Variants in NT5E observed in about 807,000 individuals in gnomAD.
The protein encoded by NT5E is 5'-nucleotidase.
A neutral mutation model predicts 55.1 loss-of-function variants in NT5E; 53 were observed. The ratio of observed to expected loss-of-function variants is 0.96; its 90% CI spans 0.77 to 1.21. The LOEUF is 1.21. Ranked by LOEUF, NT5E falls within the 50% of genes most tolerant of loss-of-function variation. The pLI is 0.00. For missense variants in NT5E, 683 were observed against 724.3 expected, an observed-to-expected ratio of 0.94 and a Z score of 0.65; for synonymous variants, 270 against 278.4, an observed-to-expected ratio of 0.97 and a Z score of 0.30.
chr6:85,477,953 G>A (rs952396315), intron 3 of NT5E, among the ~76,000 whole-genome samples: 1 of 151,778 alleles, frequency 6.6e-6, no homozygotes, highest in Non-Finnish European at 1.5e-5. Context: ...CTTGAGCCCA[G>A]GAGTTTGAGG....
intron 3 of NT5E, among the ~76,000 whole-genome samples, chr6:85,472,104 C>T (rs886182002): frequency 4.6e-5 from 7 of 152,236 alleles, no homozygotes; most frequent in Non-Finnish European, 1.0e-4. Context: ...ACTTTTGAAT[C>T]TGGTTCCACC....
At chr6:85,482,849 C>A (rs1769577249) in intron 3 of NT5E, among the ~76,000 whole-genome samples, 1 of 152,146 alleles carries the variant, frequency 6.6e-6, no homozygotes, top group South Asian at 2.1e-4. Context: ...TCAGTGGTTT[C>A]CTGGGACTGC....
In NT5E at chr6:85,451,751, A is replaced by C. The variant is rs7738103; in HGVS notation, c.339+1273A>C. On this transcript the variant is annotated intron_variant, in intron 1 of 8. Coordinates refer to ENST00000257770, the MANE Select transcript of NT5E (RefSeq NM_002526.4). The stretch of plus-strand genomic sequence containing the variant: ...TACACTTTATATGAGAAGAGCTTAG[A>C]GGTCAGGAGAGCACAATGCTGAGGG... 9.1e-3 allele frequency among the ~76,000 whole-genome samples: 1,393 copies of C among 152,304 alleles called. 15 individuals are homozygous for C. Among genetic ancestry groups the C allele is most frequent in the African/African-American group, 0.031 (1,307 of 41,554 alleles).
intron 7 of NT5E, among the ~76,000 whole-genome samples, chr6:85,491,664 G>A (rs1769787178): frequency 6.6e-6 from 1 of 152,198 alleles, no homozygotes; most frequent in Non-Finnish European, 1.5e-5. Flanking sequence ...TAAGGCCATT[G>A]AATCAATTTA....
intron 5 of NT5E, among the ~76,000 whole-genome samples, chr6:85,489,058 T>G (rs981718176): frequency 6.6e-6 from 1 of 152,194 alleles, no homozygotes; most frequent in Non-Finnish European, 1.5e-5. Context: ...GCTGCAGACA[T>G]AGACGTGGAG....
chr6:85,485,510 C>T lies in NT5E; in HGVS notation c.949+78C>T, dbSNP rs1237019462. 5 of 1,398,204 alleles carry T rather than the reference C, an allele frequency of 3.6e-6. No individual in the cohort carries two copies. In the African/African-American group the frequency reaches 7.1e-5, roughly 20 times the overall value. 86.6% of individuals were successfully genotyped at this position (1,398,204 alleles called of 1,614,324 possible). Reference sequence around the variant, plus strand: ...TATTTTGCTCCTTCCCATTTTTTTCCTTTAATGTTTCAGGAAAAGACTATA... The same window carrying T: ...TATTTTGCTCCTTCCCATTTTTTTCTTTTAATGTTTCAGGAAAAGACTATA... On this transcript the variant is annotated intron_variant, in intron 4 of 8. Coordinates refer to ENST00000257770, the MANE Select transcript of NT5E (RefSeq NM_002526.4).
intron 3 of NT5E, among the ~76,000 whole-genome samples, chr6:85,479,717 T>C (rs1769503357): frequency 6.6e-6 from 1 of 152,210 alleles, no homozygotes; most frequent in South Asian, 2.1e-4. Flanking sequence ...GTAATGGAAC[T>C]ACACGGGCAT....
chr6:85,494,079 T>C lies in NT5E; in HGVS notation c.*75T>C. On this transcript the variant is annotated 3_prime_UTR_variant, in exon 9 of 9. Transcript: ENST00000257770. ...AGATTCAAATCTGCCTTTTAGGACC[T>C]GGCTTTGTGACAGCAAAAACCATCT... 6.8e-7 allele frequency: 1 copy of C among 1,460,142 alleles called. No individual in the cohort carries two copies. Among genetic ancestry groups the C allele is most frequent in the Non-Finnish European group, 9.5e-7 (1 of 1,048,386 alleles). 90.4% of individuals were successfully genotyped at this position (1,460,142 alleles called of 1,614,324 possible). A position where few individuals can be genotyped will look rare whatever the true frequency, so the allele number is the denominator to read the frequency against.
At position 85,489,549 on chromosome 6, in the gene NT5E, G is replaced by A. The variant is rs756174710; in HGVS notation, c.1160G>A (p.Cys387Tyr). ...ATGTTCTGGAACCACGTATCCATGT[G>A]CATTTTAAATGGAGGTGGTATCCGG... ...DEMFWNHVSMCILNGGGIRSP... is the reference protein window; with the variant it reads ...DEMFWNHVSMYILNGGGIRSP... Residue 387 changes from cysteine (C) to tyrosine (Y), a missense_variant, in exon 6 of 9, where the codon TGC (cysteine) becomes TAC (tyrosine). By Grantham distance (194) the Cys-to-Tyr change is radical. Coordinates refer to ENST00000257770, the MANE Select transcript of NT5E (RefSeq NM_002526.4). 2 of 1,613,904 alleles carry A rather than the reference G, an allele frequency of 1.2e-6. No individual in the cohort carries two copies. Among genetic ancestry groups the A allele is most frequent in the Non-Finnish European group, 1.7e-6 (2 of 1,179,968 alleles).
chr6:85,492,984 C>T (rs962527425), intron 8 of NT5E, among the ~76,000 whole-genome samples: 7 of 152,224 alleles, frequency 4.6e-5, no homozygotes, highest in Admixed American at 4.6e-4. Flanking sequence ...TCTGTCCCTT[C>T]CGTGACAGAA....
At position 85,468,017 on chromosome 6, in the gene NT5E, A is replaced by T. The variant is rs375638446; in HGVS notation, c.562+735A>T. 4.6e-5 allele frequency among the ~76,000 whole-genome samples: 7 copies of T among 152,304 alleles called. No homozygotes were observed. In the East Asian group the frequency reaches 1.2e-3, roughly 25 times the overall value. ...TTTTTGGAATATTTTGGCAATGAGA[A>T]CAAAAATGACATTTTCTTTAAATTA... On this transcript the variant is annotated intron_variant, in intron 2 of 8. Coordinates refer to ENST00000257770, the MANE Select transcript of NT5E (RefSeq NM_002526.4).
chr6:85,458,395 G>C (rs1437650205), intron 1 of NT5E, among the ~76,000 whole-genome samples: 1 of 152,190 alleles, frequency 6.6e-6, no homozygotes, highest in African/African-American at 2.4e-5. Context: ...CTAAATTCCA[G>C]AGCAGAGAGG....
At chr6:85,487,827 C>T (rs1017211744) in intron 5 of NT5E, among the ~76,000 whole-genome samples, 1 of 152,154 alleles carries the variant, frequency 6.6e-6, no homozygotes, top group Non-Finnish European at 1.5e-5. Flanking sequence ...ATACTCAGTA[C>T]CTTCTTAAGG....
intron 3 of NT5E, among the ~76,000 whole-genome samples, chr6:85,480,131 A>G (rs1370342723): frequency 6.6e-6 from 1 of 152,134 alleles, no homozygotes; most frequent in African/African-American, 2.4e-5. Flanking sequence ...ATGAGTGACT[A>G]AATGTGTGGT....
At chr6:85,456,535 G>A (rs1366900405) in intron 1 of NT5E, among the ~76,000 whole-genome samples, 1 of 152,054 alleles carries the variant, frequency 6.6e-6, no homozygotes, top group African/African-American at 2.4e-5. Context: ...CTGAATTGTT[G>A]GACACCAAGT....
chr6:85,450,158 C>G lies in NT5E; in HGVS notation c.19C>G (p.Arg7Gly), dbSNP rs2127752774. 1.3e-5 allele frequency: 20 copies of G among 1,564,294 alleles called. No homozygotes were observed. Among genetic ancestry groups the G allele is most frequent in the East Asian group, 4.8e-5 (2 of 41,860 alleles). MCPRAA[R>G]APATLLLALG... ...CACAGCTATGTGTCCCCGAGCCGCG[C>G]GGGCGCCCGCGACGCTACTCCTCGC... Residue 7 changes from arginine (R) to glycine (G), a missense_variant, in exon 1 of 9, where the codon CGG becomes GGG. Transcript: ENST00000257770. The surrounding 1 kb of genome is among the most constrained non-coding windows in gnomAD (Gnocchi z 4.0).
At chr6:85,465,955 AACG>A (rs1335757738) in intron 1 of NT5E, among the ~76,000 whole-genome samples, 1 of 152,180 alleles carries the variant, frequency 6.6e-6, no homozygotes, top group Non-Finnish European at 1.5e-5. Context: ...CACAAAGTGA[AACG>A]AAACTGGATG....
At position 85,456,365 on chromosome 6, in the gene NT5E, G is replaced by T. The variant is rs559214311; in HGVS notation, c.339+5887G>T. Among the ~76,000 whole-genome samples, 4 of 152,300 alleles carry T rather than the reference G, an allele frequency of 2.6e-5. No individual in the cohort carries two copies. In the East Asian group the frequency reaches 7.7e-4, roughly 29 times the overall value. On this transcript the variant is annotated intron_variant, in intron 1 of 8. Coordinates refer to ENST00000257770, the MANE Select transcript of NT5E (RefSeq NM_002526.4). ...GTTCTAGCCAATTATCAATCCCAAGGATAGGGTCATGGGAACCTCCAATTT... is the reference window on the plus strand; with the variant it reads ...GTTCTAGCCAATTATCAATCCCAAGTATAGGGTCATGGGAACCTCCAATTT...
rs760238242 is a variant in NT5E, at chr6:85,485,301, G to A, written c.818G>A (p.Arg273Gln). The A allele has an allele frequency of 1.6e-5, 26 of 1,614,052 alleles. No individual in the cohort carries two copies. The highest frequency in any genetic ancestry group is 6.7e-5 in the Admixed American group (4 of 60,008). ...TTCATAGTCACTTCTGATGATGGGC[G>A]GAAGGTTCCTGTAGTCCAGGCCTAT... The part of the protein sequence containing the change: ...YPFIVTSDDG[R>Q]KVPVVQAYAF... The change falls in exon 4 of 9, where the codon CGG (arginine) becomes CAG (glutamine). Residue 273 changes from arginine to glutamine, a missense_variant. By Grantham distance (43) the Arg-to-Gln change is conservative. Coordinates refer to ENST00000257770, the MANE Select transcript of NT5E (RefSeq NM_002526.4).
Sources: gnomAD v4.1 joint callset for allele counts (sites outside exome capture counted in the v4.1 genomes callset) on GRCh38, gnomAD v4.1.1 for gene constraint, Gnocchi (gnomAD v3.1) non-coding constraint, MANE v1.5 for transcripts, NCBI Gene and HGNC (gene_info 2026-07-23, HGNC 2026-07-21) for gene names.